RCBTB2: variants seen among roughly 807,000 people sequenced by gnomAD.
The protein encoded by RCBTB2 is RCC1 and BTB domain containing protein 2, also known as RCC1 and BTB domain-containing protein 2.
A neutral mutation model predicts 65.4 loss-of-function variants in RCBTB2; 55 were observed. The observed-to-expected ratio is 0.84, with a 90% CI of 0.68 to 1.05. The LOEUF (loss-of-function observed/expected upper bound fraction) is 1.05, where lower values mean the gene tolerates loss of function less well. Among genes scored for constraint, RCBTB2 ranks in the 50% least tolerant of loss-of-function variants. The pLI, the probability that RCBTB2 is intolerant of heterozygous loss-of-function variation, is 0.00. For missense variants in RCBTB2, 599 were observed against 680.1 expected (o/e 0.88, Z 1.33); for synonymous variants, 220 against 255.2 (o/e 0.86, Z 1.31).
chr13:48,507,578 G>A (rs1440510903), intron 10 of RCBTB2, among the ~76,000 whole-genome samples: 2 of 152,198 alleles, frequency 1.3e-5, no homozygotes, highest in African/African-American at 4.8e-5. Flanking sequence ...TACTAGAAAT[G>A]AAAAAGCAGA....
intron 14 of RCBTB2, 48 bp from the exon 15 acceptor site, chr13:48,490,299 C>T: frequency 3.3e-6 from 5 of 1,526,328 alleles, no homozygotes; most frequent in East Asian, 2.3e-5. Context: ...TTTACTAATT[C>T]AATGCAACAT....
Position 48,496,294 on chromosome 13 carries a change from C to G in RCBTB2, c.1412G>C (p.Arg471Thr), listed in dbSNP as rs1351090537. ...GCAGAGCTTTTTCAAACGATTTTCTCTATAAAATGTAGCCAAGTCTAGCAG... is the reference window on the plus strand; with the variant it reads ...GCAGAGCTTTTTCAAACGATTTTCTGTATAAAATGTAGCCAAGTCTAGCAG... ...VGLLDLATFY[R>T]ENRLKKLCQQ... is the part of the protein sequence containing the mutation. Residue 471 changes from arginine to threonine, a missense_variant, in exon 14 of 15, where the codon AGA becomes ACA. Transcript: ENST00000344532. 6.3e-7 allele frequency: 1 copy of G among 1,584,494 alleles called. No homozygotes were observed. Among genetic ancestry groups the G allele is most frequent in the Admixed American group, 1.8e-5 (1 of 54,502 alleles).
intron 2 of RCBTB2, among the ~76,000 whole-genome samples, chr13:48,522,921 T>C (rs1394388438): frequency 6.6e-6 from 1 of 152,196 alleles, no homozygotes; most frequent in Non-Finnish European, 1.5e-5. Flanking sequence ...ATGTTTTCTA[T>C]GCCCTTGAGG....
chr13:48,494,919 A>G (rs1405024194), intron 14 of RCBTB2, among the ~76,000 whole-genome samples: 1 of 152,216 alleles, frequency 6.6e-6, no homozygotes, highest in Admixed American at 6.5e-5. Flanking sequence ...TTACAAATAT[A>G]TAATGTGACA....
upstream of RCBTB2, among the ~76,000 whole-genome samples, chr13:48,534,486 C>G (rs978484285): frequency 6.6e-6 from 1 of 152,192 alleles, no homozygotes; most frequent in Non-Finnish European, 1.5e-5. Context: ...GATCTGTTTG[C>G]CTTGCGCACT....
intron 10 of RCBTB2, chr13:48,504,427 T>C: frequency 1.6e-6 from 1 of 640,228 alleles, no homozygotes; most frequent in South Asian, 6.9e-5. Context: ...TGACCTTCAA[T>C]GACTTCATAC....
At chr13:48,516,104 G>A (rs1228765366) in intron 4 of RCBTB2, among the ~76,000 whole-genome samples, 1 of 151,982 alleles carries the variant, frequency 6.6e-6, no homozygotes, top group Non-Finnish European at 1.5e-5. Flanking sequence ...GACAGAGAGA[G>A]AGAGAGAGAG....
chr13:48,512,707 G>A, intron 7 of RCBTB2, 22 bp downstream of exon 7: 1 of 1,606,492 alleles, frequency 6.2e-7, no homozygotes, highest in South Asian at 1.1e-5. Context: ...AAATCAATGA[G>A]CTTTATGCTG....
chr13:48,529,299 G>A (rs1951974078), intron 1 of RCBTB2, among the ~76,000 whole-genome samples: 1 of 152,124 alleles, frequency 6.6e-6, no homozygotes, highest in Non-Finnish European at 1.5e-5. Context: ...AATTGTTAAA[G>A]ATCTTTGACC....
intron 2 of RCBTB2, among the ~76,000 whole-genome samples, chr13:48,522,710 A>C (rs1440884400): frequency 6.6e-6 from 1 of 152,226 alleles, no homozygotes; most frequent in East Asian, 1.9e-4. Flanking sequence ...TCCAAAAAGC[A>C]ATTTAATAAG....
intron 6 of RCBTB2, among the ~76,000 whole-genome samples, chr13:48,514,506 A>G (rs1219195353): frequency 2.0e-5 from 3 of 152,246 alleles, no homozygotes; most frequent in Admixed American, 6.5e-5. Flanking sequence ...ATCTCTGACT[A>G]TGTGCTGCCT....
At chr13:48,504,038 G>C (rs1409210116) in intron 10 of RCBTB2, among the ~76,000 whole-genome samples, 2 of 151,956 alleles carry the variant, frequency 1.3e-5, no homozygotes, top group Non-Finnish European at 2.9e-5. Context: ...AGAACTTCAG[G>C]GTCATCTTTG....
chr13:48,502,629 T>C, intron 11 of RCBTB2, 95 bp downstream of exon 11: 3 of 1,227,052 alleles, frequency 2.4e-6, no homozygotes, highest in East Asian at 2.5e-5. Context: ...TAAATTATGA[T>C]AGTGCACCTA....
At chr13:48,495,154 T>A (rs985161887) in intron 14 of RCBTB2, among the ~76,000 whole-genome samples, 1 of 152,186 alleles carries the variant, frequency 6.6e-6, no homozygotes, top group Non-Finnish European at 1.5e-5. Flanking sequence ...CTCGAAGATG[T>A]TACAGCCTGT....
In RCBTB2 at chr13:48,493,321, T is replaced by A. The variant is rs570929553; in HGVS notation, c.1515+2870A>T. 2.2e-3 allele frequency among the ~76,000 whole-genome samples: 261 copies of A among 116,700 alleles called. 1 individual carries two copies. The highest frequency in any genetic ancestry group is 0.012 in the African/African-American group (224 of 18,258). 76.6% of individuals were successfully genotyped at this position (116,700 alleles called of 152,430 possible). ...CACACACACACACACACACACTCTC[T>A]CTCTCTCTCTCTCTCTCTCTTCTCT... On this transcript the variant is annotated intron_variant, in intron 14 of 14. Transcript: ENST00000344532.
chr13:48,493,289 C>CCACACACACA (rs1237098435), intron 14 of RCBTB2, among the ~76,000 whole-genome samples: 28 of 102,346 alleles, frequency 2.7e-4, no homozygotes, highest in African/African-American at 1.5e-3. Context: ...CTCTCTCTCT[C>CCACACACACA]CACACACACA....
chr13:48,508,412 G>GTT (rs570095675), intron 10 of RCBTB2, among the ~76,000 whole-genome samples: 11 of 143,712 alleles, frequency 7.7e-5, no homozygotes, highest in Non-Finnish European at 1.1e-4. Flanking sequence ...ATTCATCCAT[G>GTT]TTTTTTTTTT....
At position 48,502,834 on chromosome 13, in the gene RCBTB2, T is replaced by C. The variant is rs1308361986; in HGVS notation, c.1007A>G (p.Gln336Arg). The C allele has an allele frequency of 1.2e-6, 2 of 1,614,086 alleles. No homozygotes were observed. Among genetic ancestry groups the C allele is most frequent in the African/African-American group, 1.3e-5 (1 of 74,918 alleles). Reference protein sequence around the residue: ...TQGGHVYMWGQCRGQSVILPH... With the variant: ...TQGGHVYMWGRCRGQSVILPH... Reference sequence around the variant, plus strand: ...GAGGATCACGGACTGACCCCGGCACTGGCCCCACATGTACACGTGCCCACC... The same window carrying C: ...GAGGATCACGGACTGACCCCGGCACCGGCCCCACATGTACACGTGCCCACC... The change falls in exon 11 of 15, where the codon CAG becomes CGG. Residue 336 changes from glutamine to arginine, a missense_variant. Gln to Arg is a conservative substitution (Grantham distance 43). Transcript: ENST00000344532.
At chr13:48,495,132 A>C (rs1449477980) in intron 14 of RCBTB2, among the ~76,000 whole-genome samples, 1 of 152,206 alleles carries the variant, frequency 6.6e-6, no homozygotes, top group Non-Finnish European at 1.5e-5. Context: ...CCTTATACCA[A>C]AAGGAAACTG....
Sources: allele counts gnomAD v4.1 joint callset (sites outside exome capture counted in the v4.1 genomes callset), GRCh38; gene constraint gnomAD v4.1.1; transcripts MANE v1.5; gene names NCBI Gene and HGNC (gene_info 2026-07-23, HGNC 2026-07-21).